The following NUP62 variants were observed in gnomAD, a reference collection of about 807,000 sequenced individuals.
The protein encoded by NUP62 is nucleoporin 62.
For missense variants in NUP62, 647 were observed against 689.4 expected (o/e 0.94, Z 0.69); for synonymous variants, 305 against 303.4 (o/e 1.01, Z -0.05).
intron 2 of NUP62, among the ~76,000 whole-genome samples, chr19:49,913,826 C>T (rs2075547276): frequency 6.6e-6 from 1 of 152,152 alleles, no homozygotes; most frequent in Non-Finnish European, 1.5e-5. Context: ...CTGGCAGACC[C>T]ATACATACCA....
rs2075374112 is a variant in NUP62 at position 49,908,514 on chromosome 19, T to C, written c.1294A>G (p.Lys432Glu). The C allele has an allele frequency of 6.2e-7, 1 of 1,614,046 alleles. No individual in the cohort carries two copies. Among genetic ancestry groups the C allele is most frequent in the Non-Finnish European group, 8.5e-7 (1 of 1,180,038 alleles). ...ATGTTCTCAGCCAGCTTGTAGGTTT[T>C]CTCACGCTCCTCATCCGCGTGCTGC... ...YLQHADEERE[K>E]TYKLAENIDA... The change falls in exon 3 of 3, where the codon AAA becomes GAA. Residue 432 changes from lysine to glutamate, a missense_variant. Coordinates refer to ENST00000352066, the MANE Select transcript of NUP62 (RefSeq NM_016553.5).
At position 49,907,696 on chromosome 19, in the gene NUP62, T is replaced by C; in HGVS notation, c.*543A>G. On this transcript the variant is annotated 3_prime_UTR_variant, in exon 3 of 3. Transcript: ENST00000352066. ...TGAGATCACAGGCGTCCACCACACC[T>C]GACTAATTTTTGTATTTTTAGTAGA... 2.9e-6 allele frequency: 1 copy of C among 347,502 alleles called. No homozygotes were observed. 21.5% of individuals were successfully genotyped at this position (347,502 alleles called of 1,614,324 possible). A position where few individuals can be genotyped will look rare whatever the true frequency, so the allele number is the denominator to read the frequency against.
In NUP62 at chr19:49,913,737, T is replaced by C. The variant is rs1258003356; in HGVS notation, c.-77-3853A>G. On this transcript the variant is annotated intron_variant, in intron 2 of 2. Coordinates refer to ENST00000352066, the MANE Select transcript of NUP62 (RefSeq NM_016553.5). ...CGTGACTGTGAGTAGAAAGCTTTGC[T>C]GAGCTCTGTGAGTCTTAGCTCATCA... 2.6e-5 allele frequency among the ~76,000 whole-genome samples: 4 copies of C among 152,324 alleles called. No homozygotes were observed. The South Asian group carries it at 6.2e-4, about 24-fold the overall frequency.
chr19:49,917,473 G>A (rs1048582323), intron 2 of NUP62: 1 of 152,280 alleles, frequency 6.6e-6, no homozygotes, highest in African/African-American at 2.4e-5. Context: ...GAAGTCAACT[G>A]ACCAACACCT....
At chr19:49,911,754 T>G (rs534969287) in intron 2 of NUP62, among the ~76,000 whole-genome samples, 13 of 152,294 alleles carry the variant, frequency 8.5e-5, no homozygotes, top group South Asian at 2.1e-4. Context: ...GGCTGTTAGC[T>G]CCACTAAGCC....
rs759560737 is a variant in NUP62 at position 49,908,415 on chromosome 19, C to T, written c.1393G>A (p.Ala465Thr). The T allele has an allele frequency of 3.0e-5, 49 of 1,614,012 alleles. No homozygotes were observed. The highest frequency in any genetic ancestry group is 1.9e-4 in the African/African-American group (14 of 74,936). Residue 465 changes from alanine (A) to threonine (T), a missense_variant, in exon 3 of 3, where the codon GCC becomes ACC. Transcript: ENST00000352066. ...IEHLNTSGAP[A>T]DTSDPLQQIC... is the part of the protein sequence containing the mutation. ...TGCTGCAGTGGGTCACTGGTGTCGG[C>T]GGGGGCCCCGGACGTGTTCAGGTGC...
In NUP62 at chr19:49,909,749, G is replaced by A. The variant is rs1377446467; in HGVS notation, c.59C>T (p.Thr20Ile). ...AGGTGTGGTTGTTGCCGTCTTTGCAGTGCCAAACGTGAACCCGCCTGTAGG... is the reference window on the plus strand; with the variant it reads ...AGGTGTGGTTGTTGCCGTCTTTGCAATGCCAAACGTGAACCCGCCTGTAGG... ...GAPTGGFTFG[T>I]AKTATTTPAT... The change falls in exon 3 of 3, where the codon ACT becomes ATT. Residue 20 changes from threonine to isoleucine, a missense_variant. Transcript: ENST00000352066. 3 of 1,614,124 alleles carry A rather than the reference G, an allele frequency of 1.9e-6. No individual in the cohort carries two copies. Among genetic ancestry groups the A allele is most frequent in the Non-Finnish European group, 2.5e-6 (3 of 1,180,042 alleles).
At chr19:49,923,002 ACCACTAAG>A (rs2075800453) in intron 2 of NUP62, among the ~76,000 whole-genome samples, 1 of 152,022 alleles carries the variant, frequency 6.6e-6, no homozygotes, top group African/African-American at 2.4e-5. Context: ...CTTGTCCCAG[ACCACTAAG>A]CGGTGAGTGA....
In NUP62 at chr19:49,909,685, C is replaced by T; in HGVS notation, c.123G>A (p.Gly41=). 1 of 1,614,138 alleles carries T rather than the reference C, an allele frequency of 6.2e-7. No individual in the cohort carries two copies. Among genetic ancestry groups the T allele is most frequent in the Non-Finnish European group, 8.5e-7 (1 of 1,180,022 alleles). ...GFSFSTSGTG[G]FNFGAPFQPA... Reference sequence around the variant, plus strand: ...GTTGGAAGGGAGCCCCAAAATTAAACCCTCCAGTGCCAGAGGTGGAGAAAG... The same window carrying T: ...GTTGGAAGGGAGCCCCAAAATTAAATCCTCCAGTGCCAGAGGTGGAGAAAG... Residue 41 remains glycine, a synonymous_variant, in exon 3 of 3, where the codon GGG becomes GGA. Coordinates refer to ENST00000352066, the MANE Select transcript of NUP62 (RefSeq NM_016553.5).
At chr19:49,914,721 T>C (rs1015150329) in intron 2 of NUP62, among the ~76,000 whole-genome samples, 7 of 121,978 alleles carry the variant, frequency 5.7e-5, no homozygotes, top group African/African-American at 2.9e-5. Flanking sequence ...CCACTCCAAG[T>C]CCCAGTTTTT....
At chr19:49,924,870 G>T (rs768622524) in intron 2 of NUP62, among the ~76,000 whole-genome samples, 27 of 152,300 alleles carry the variant, frequency 1.8e-4, no homozygotes, top group Admixed American at 3.3e-4. Flanking sequence ...CAAAACGGTG[G>T]GGAGGGGAAG....
At chr19:49,918,915 G>GT (rs2075695975) in intron 2 of NUP62, among the ~76,000 whole-genome samples, 1 of 109,768 alleles carries the variant, frequency 9.1e-6, no homozygotes, top group Non-Finnish European at 1.9e-5. Flanking sequence ...GGGGCGGGGT[G>GT]TGGGGGGGCG....
At chr19:49,917,736 A>T (rs2075660535) in intron 2 of NUP62, 1 of 152,202 alleles carries the variant, frequency 6.6e-6, no homozygotes, top group African/African-American at 2.4e-5. Context: ...CCCCATTGGT[A>T]GAAAACAGAG....
Position 49,909,605 on chromosome 19 carries a change from G to C in NUP62, c.203C>G (p.Ala68Gly), listed in dbSNP as rs141139699. Reference protein sequence around the residue: ...GLFSLATQTPATQTTGFTFGT... With the variant: ...GLFSLATQTPGTQTTGFTFGT... ...AAAAGTGAAGCCTGTCGTCTGTGTG[G>C]CCGGAGTCTGGGTGGCAAGTGAGAA... Residue 68 changes from alanine to glycine, a missense_variant, in exon 3 of 3, where the codon GCC (alanine) becomes GGC (glycine). Ala to Gly is a moderately conservative substitution (Grantham distance 60). Coordinates refer to ENST00000352066, the MANE Select transcript of NUP62 (RefSeq NM_016553.5). 2.5e-5 allele frequency: 40 copies of C among 1,613,288 alleles called. No homozygotes were observed. In the African/African-American group the frequency reaches 5.1e-4, roughly 20 times the overall value.
intron 1 of NUP62, 119 bp from the exon 2 acceptor site, chr19:49,927,934 G>C: frequency 6.6e-6 from 1 of 152,248 alleles, no homozygotes; most frequent in East Asian, 1.9e-4. Context: ...ATTTTTGGCA[G>C]GGTTGGGAGA....
chr19:49,923,210 C>T (rs771323828), intron 2 of NUP62, among the ~76,000 whole-genome samples: 5 of 152,212 alleles, frequency 3.3e-5, no homozygotes, highest in African/African-American at 4.8e-5. Context: ...CATCCTCTCC[C>T]CAACTGAGCT....
At chr19:49,916,677 T>C (rs2075632109) in intron 2 of NUP62, among the ~76,000 whole-genome samples, 1 of 151,288 alleles carries the variant, frequency 6.6e-6, no homozygotes, top group South Asian at 2.1e-4. Flanking sequence ...GGCAGGAGAA[T>C]GGCATCAACC....
rs74555033 is a variant in NUP62, at chr19:49,909,746, G to A, written c.62C>T (p.Ala21Val). The A allele has an allele frequency of 6.2e-7, 1 of 1,614,026 alleles. No homozygotes were observed. The highest frequency in any genetic ancestry group is 8.5e-7 in the Non-Finnish European group (1 of 1,180,048). Reference sequence around the variant, plus strand: ...AGCAGGTGTGGTTGTTGCCGTCTTTGCAGTGCCAAACGTGAACCCGCCTGT... The same window carrying A: ...AGCAGGTGTGGTTGTTGCCGTCTTTACAGTGCCAAACGTGAACCCGCCTGT... ...APTGGFTFGT[A>V]KTATTTPATG... is the part of the protein sequence containing the mutation. Residue 21 changes from alanine to valine, a missense_variant, in exon 3 of 3, where the codon GCA becomes GTA. Transcript: ENST00000352066.
At position 49,924,088 on chromosome 19, in the gene NUP62, A is replaced by G. The variant is rs112630325; in HGVS notation, c.-78+3606T>C. On this transcript the variant is annotated intron_variant, in intron 2 of 2. Transcript: ENST00000352066. ...GAATCGATAGCGTCTGGCAACTGTGAGCAGCAGCAGGCCTGAGGTGAGGGT... is the reference window on the plus strand; with the variant it reads ...GAATCGATAGCGTCTGGCAACTGTGGGCAGCAGCAGGCCTGAGGTGAGGGT... Among the ~76,000 whole-genome samples the G allele has an allele frequency of 2.2e-3, 337 of 152,284 alleles. 2 individuals carry two copies. The highest frequency in any genetic ancestry group is 3.6e-3 in the Non-Finnish European group (247 of 68,006).
Sources: allele counts gnomAD v4.1 joint callset (sites outside exome capture counted in the v4.1 genomes callset), GRCh38; gene constraint gnomAD v4.1.1; transcripts MANE v1.5; gene names NCBI Gene and HGNC (gene_info 2026-07-23, HGNC 2026-07-21).